Variants in CUL2 observed in about 807,000 individuals in gnomAD.
The protein encoded by CUL2 is cullin-2.
Under a neutral mutation model 110.2 loss-of-function variants are expected in CUL2, and 22 were observed. The observed-to-expected ratio is 0.20, with a 90% CI of 0.14 to 0.28. The LOEUF is 0.28. Among genes scored for constraint, CUL2 ranks in the 10% least tolerant of loss-of-function variants. CUL2 has a pLI of 1.00. For synonymous variants in CUL2, 279 were observed against 293.2 expected (o/e 0.95, Z 0.49); for missense variants, 631 against 905.5 (o/e 0.70, Z 3.89).
At chr10:35,067,937 C>G (rs554738948) in intron 2 of CUL2, among the ~76,000 whole-genome samples, 2 of 151,622 alleles carry the variant, frequency 1.3e-5, no homozygotes, top group Non-Finnish European at 2.9e-5. Context: ...GAAACCCTGT[C>G]TCTACTAAAA....
At chr10:35,100,435 T>G (rs1291212900) in intron 2 of CUL2, among the ~76,000 whole-genome samples, 1 of 152,148 alleles carries the variant, frequency 6.6e-6, no homozygotes, top group Non-Finnish European at 1.5e-5. Flanking sequence ...GTTTTATACT[T>G]TATTTTCTGT....
chr10:35,085,810 A>C (rs1423084165), intron 1 of CUL2, among the ~76,000 whole-genome samples: 1 of 152,140 alleles, frequency 6.6e-6, no homozygotes, highest in Non-Finnish European at 1.5e-5. Context: ...AACACAAAAC[A>C]AACAGTGCAA....
chr10:35,110,304 C>T (rs1401732407), intron 1 of CUL2, among the ~76,000 whole-genome samples: 1 of 152,186 alleles, frequency 6.6e-6, no homozygotes, highest in Non-Finnish European at 1.5e-5. Flanking sequence ...TGGCTCATGC[C>T]TATAATCCCA....
chr10:35,012,052 A>AT, intron 19 of CUL2, 88 bp from the exon 20 acceptor site: 1 of 696,670 alleles, frequency 1.4e-6, no homozygotes, highest in Non-Finnish European at 2.3e-6. Flanking sequence ...GAGTGCAAAT[A>AT]CTTTTTTTTT....
intron 5 of CUL2, among the ~76,000 whole-genome samples, chr10:35,050,608 T>C (rs1184867391): frequency 6.6e-6 from 1 of 152,228 alleles, no homozygotes; most frequent in Non-Finnish European, 1.5e-5. Context: ...CTCAGGTTAT[T>C]ACAATCCACA....
chr10:35,081,168 T>A (rs562526807), intron 1 of CUL2, among the ~76,000 whole-genome samples: 2 of 152,184 alleles, frequency 1.3e-5, no homozygotes, highest in African/African-American at 4.8e-5. Context: ...CAAGGTTACA[T>A]TAAGCTACAA....
rs749388586 is a variant in CUL2, at chr10:35,031,450, T to C, written c.1299+41A>G. On this transcript the variant is annotated intron_variant, in intron 13 of 20. Transcript: ENST00000374749. This position sits in a 1 kb window ranked among gnomAD's most constrained non-coding sequence, Gnocchi z 4.4. ...AATGATTTAGCATTCAGAAATAAAG[T>C]TGACCAAAATACAAATGAAACTTTT... 2.5e-6 allele frequency: 4 copies of C among 1,601,568 alleles called. No homozygotes were observed. In the East Asian group the frequency reaches 9.0e-5, roughly 36 times the overall value.
Position 35,086,061 on chromosome 10 carries a change from T to C in CUL2, c.-23+4118A>G, listed in dbSNP as rs572580784. On this transcript the variant is annotated intron_variant, in intron 1 of 20. Coordinates refer to ENST00000374749, the MANE Select transcript of CUL2 (RefSeq NM_003591.4). ...GCAGCCTGGCCAACATAGTGAAACC[T>C]TGTCTCTACTAAAAATACAAAAATT... Among the ~76,000 whole-genome samples the C allele has an allele frequency of 4.0e-5, 6 of 151,474 alleles. No individual in the cohort carries two copies. In the South Asian group the frequency reaches 6.3e-4, roughly 16 times the overall value.
chr10:35,048,839 G>T (rs1256016178), intron 6 of CUL2, among the ~76,000 whole-genome samples: 3 of 152,022 alleles, frequency 2.0e-5, no homozygotes, highest in Non-Finnish European at 1.5e-5. Context: ...CATAGGGGTG[G>T]GTGTGTGTGT....
chr10:35,119,985 C>G (rs981244805), intron 1 of CUL2: 1 of 152,186 alleles, frequency 6.6e-6, no homozygotes. Flanking sequence ...CTTATTCTTA[C>G]CTTTTCAGAA....
intron 20 of CUL2, 35 bp from the exon 21 acceptor site, chr10:35,010,477 G>C: frequency 1.3e-6 from 2 of 1,570,886 alleles, no homozygotes; most frequent in Non-Finnish European, 1.7e-6. Context: ...ACTACTGCCA[G>C]TTCTTCAGCT....
intron 6 of CUL2, among the ~76,000 whole-genome samples, chr10:35,046,653 A>T (rs1228364176): frequency 1.3e-5 from 2 of 152,176 alleles, no homozygotes; most frequent in Non-Finnish European, 2.9e-5. Flanking sequence ...GCACTTTAGG[A>T]GGCTGAGGTG....
Position 35,116,849 on chromosome 10 carries a change from C to G in CUL2, c.-51+9756G>C, listed in dbSNP as rs111267338. On this transcript the variant is annotated intron_variant, in intron 1 of 5. Coordinates refer to the CUL2 transcript ENST00000685421. The stretch of plus-strand genomic sequence containing the variant: ...GCGCACGCCTGTAGTCCCAGCTACC[C>G]GGGAGGCTGAGGTGGGAGAATCGCT... Among the ~76,000 whole-genome samples, 3 of 151,632 alleles carry G rather than the reference C, an allele frequency of 2.0e-5. No homozygotes were observed. The East Asian group carries it at 5.8e-4, about 29-fold the overall frequency.
chr10:35,114,285 A>T (rs2087563033), intron 1 of CUL2, among the ~76,000 whole-genome samples: 1 of 150,996 alleles, frequency 6.6e-6, no homozygotes, highest in South Asian at 2.1e-4. Context: ...GATAGTCTGG[A>T]ACTCCCGACC....
chr10:35,031,471 C>T lies in CUL2; in HGVS notation c.1299+20G>A, dbSNP rs1455016433. On this transcript the variant is annotated intron_variant, in intron 13 of 20. Transcript: ENST00000374749. This position sits in a 1 kb window ranked among gnomAD's most constrained non-coding sequence, Gnocchi z 4.4. Reference sequence around the variant, plus strand: ...AAAGTTGACCAAAATACAAATGAAACTTTTCTGTTCACAACATACCTTTTG... The same window carrying T: ...AAAGTTGACCAAAATACAAATGAAATTTTTCTGTTCACAACATACCTTTTG... 1 of 1,605,172 alleles carries T rather than the reference C, an allele frequency of 6.2e-7. No homozygotes were observed. The highest frequency in any genetic ancestry group is 1.1e-5 in the South Asian group (1 of 89,818).
At chr10:35,110,868 A>G (rs1464423345) in intron 1 of CUL2, among the ~76,000 whole-genome samples, 2 of 152,122 alleles carry the variant, frequency 1.3e-5, no homozygotes, top group Non-Finnish European at 2.9e-5. Context: ...ATCTCCGGAT[A>G]TGGTTACATT....
chr10:35,053,027 G>C (rs778275406), intron 5 of CUL2, among the ~76,000 whole-genome samples: 1 of 151,680 alleles, frequency 6.6e-6, no homozygotes, highest in East Asian at 1.9e-4. Context: ...AAAAAAAAAG[G>C]CAAGAAATAT....
chr10:35,104,692 T>C (rs757657329), intron 1 of CUL2, among the ~76,000 whole-genome samples: 9 of 152,078 alleles, frequency 5.9e-5, no homozygotes, highest in Non-Finnish European at 1.0e-4. Flanking sequence ...ATCCAATATA[T>C]ATTTTTTTAA....
At position 35,063,063 on chromosome 10, in the gene CUL2, CTAGT is replaced by C; in HGVS notation, c.120-5_120-2del. The C allele has an allele frequency of 6.7e-7, 1 of 1,484,448 alleles. No individual in the cohort carries two copies. Among genetic ancestry groups the C allele is most frequent in the Non-Finnish European group, 9.3e-7 (1 of 1,071,696 alleles). The allele number at this position is 1,484,448 out of a possible 1,614,324, so 92.0% of individuals were successfully genotyped here. A position where few individuals can be genotyped will look rare whatever the true frequency, so the allele number is the denominator to read the frequency against. ...GGCCACACATAAAGCATAGATATCT[CTAGT>C]TAAATTATTAAGGTTTTCATATTTA... On this transcript the variant is annotated splice_acceptor_variant and splice_polypyrimidine_tract_variant and intron_variant, in intron 2 of 20. Coordinates refer to ENST00000374749, the MANE Select transcript of CUL2 (RefSeq NM_003591.4). LOFTEE classifies it high-confidence loss of function.
Sources: allele counts gnomAD v4.1 joint callset (sites outside exome capture counted in the v4.1 genomes callset), GRCh38; gene constraint gnomAD v4.1.1; non-coding constraint Gnocchi (gnomAD v3.1); transcripts MANE v1.5; gene names NCBI Gene and HGNC (gene_info 2026-07-23, HGNC 2026-07-21).